KDM6B: variants seen among roughly 807,000 people sequenced by gnomAD.
The protein encoded by KDM6B is lysine demethylase 6B, also known as lysine-specific demethylase 6B.
A neutral mutation model predicts 150.4 loss-of-function variants in KDM6B; 22 were observed. The ratio of observed to expected loss-of-function variants is 0.15; its 90% CI spans 0.10 to 0.21. The LOEUF (loss-of-function observed/expected upper bound fraction) is 0.21. KDM6B is among the 10% of genes least tolerant of loss of function. KDM6B has a pLI of 1.00. For missense variants in KDM6B, 1,984 were observed against 2,234.3 expected (o/e 0.89, Z 2.26); for synonymous variants, 1,148 against 921.1 (o/e 1.25, Z -4.46).
In KDM6B at chr17:7,847,567, A is replaced by C. The variant is rs2078581964; in HGVS notation, c.1279A>C (p.Thr427Pro). 8.7e-6 allele frequency: 14 copies of C among 1,611,448 alleles called. No homozygotes were observed. The highest frequency in any genetic ancestry group is 1.2e-5 in the Non-Finnish European group (14 of 1,179,394). Residue 427 changes from threonine (T) to proline (P), a missense_variant, in exon 12 of 24, where the codon ACT (threonine) becomes CCT (proline). This residue lies in a region of KDM6B where 1,379 missense variants were observed against 1,275.6 expected (regional missense o/e 1.08). Coordinates refer to ENST00000448097, the MANE Select transcript of KDM6B (RefSeq NM_001348716.2). Reference sequence around the variant, plus strand: ...GCAGCCCGGCGCTGACCATTACCAAACTCCCGCGCTGGAGGTCTCTCACCA... The same window carrying C: ...GCAGCCCGGCGCTGACCATTACCAACCTCCCGCGCTGGAGGTCTCTCACCA... ...PGIPGADHYQ[T>P]PALEVSHHGR...
At chr17:7,842,475 C>T (rs1353269596) in intron 2 of KDM6B, among the ~76,000 whole-genome samples, 3 of 152,342 alleles carry the variant, frequency 2.0e-5, no homozygotes, top group South Asian at 2.1e-4. Flanking sequence ...TTCGAGGAGT[C>T]TGTGGGTGTC....
chr17:7,851,523 C>T lies in KDM6B; in HGVS notation c.3990C>T (p.Thr1330=), dbSNP rs758404154. 1 of 1,614,142 alleles carries T rather than the reference C, an allele frequency of 6.2e-7. No individual in the cohort carries two copies. Among genetic ancestry groups the T allele is most frequent in the Non-Finnish European group, 8.5e-7 (1 of 1,180,024 alleles). ...ACCATCACATCATCAAGTTTGGCAC[C>T]AACATCGACTTGTCTGATGCTAAGC... ...PKNHHIIKFG[T]NIDLSDAKRW... is the part of the protein sequence containing the mutation. The change falls in exon 17 of 24, where the codon ACC becomes ACT. Residue 1330 remains threonine (T), a synonymous_variant. Coordinates refer to ENST00000448097, the MANE Select transcript of KDM6B (RefSeq NM_001348716.2).
Position 7,843,815 on chromosome 17 carries a change from C to T in KDM6B, c.-268-1086C>T, listed in dbSNP as rs912361184. On this transcript the variant is annotated intron_variant, in intron 2 of 23. Coordinates refer to ENST00000448097, the MANE Select transcript of KDM6B (RefSeq NM_001348716.2). This position sits in a 1 kb window ranked among gnomAD's most constrained non-coding sequence, Gnocchi z 4.5. ...GGACGCCGGGTAGGCAAGGAGGAGG[C>T]GCGGGGACGCAGCTCCTGGGCTCAG... Among the ~76,000 whole-genome samples, 7 of 152,140 alleles carry T rather than the reference C, an allele frequency of 4.6e-5. No homozygotes were observed. The South Asian group carries it at 1.5e-3, about 32-fold the overall frequency.
rs542238269 is a variant in KDM6B at position 7,841,048 on chromosome 17, C to A, written c.-269+1024C>A. On this transcript the variant is annotated intron_variant, in intron 2 of 23. Coordinates refer to ENST00000448097, the MANE Select transcript of KDM6B (RefSeq NM_001348716.2). ...AAAGAAGCCTAGCTCTTTCATTCTTCACTTGCAGAATGACTTTGGCCAAGT... is the reference window on the plus strand; with the variant it reads ...AAAGAAGCCTAGCTCTTTCATTCTTAACTTGCAGAATGACTTTGGCCAAGT... Among the ~76,000 whole-genome samples, 3 of 152,308 alleles carry A rather than the reference C, an allele frequency of 2.0e-5. No homozygotes were observed. The South Asian group carries it at 6.2e-4, about 32-fold the overall frequency.
At chr17:7,842,047 C>T (rs1338481771) in intron 2 of KDM6B, among the ~76,000 whole-genome samples, 1 of 152,258 alleles carries the variant, frequency 6.6e-6, no homozygotes, top group African/African-American at 2.4e-5. Flanking sequence ...CTAGGTAAAA[C>T]CCTATCTGCG....
rs1262408073 is a variant in KDM6B at position 7,848,849 on chromosome 17, C to T, written c.2561C>T (p.Ala854Val). Residue 854 changes from alanine to valine, a missense_variant, in exon 12 of 24, where the codon GCC (alanine) becomes GTC (valine). Around this residue, in one of 13 missense-constraint regions of KDM6B, gnomAD observed 1,379 missense variants for 1,275.6 expected, o/e 1.08. Transcript: ENST00000448097. ...GATALPPTSA[A>V]PSAQGSPQPS... Reference sequence around the variant, plus strand: ...ACCGCCCTGCCGCCCACCTCAGCGGCCCCTAGCGCCCAGGGCTCCCCACAG... The same window carrying T: ...ACCGCCCTGCCGCCCACCTCAGCGGTCCCTAGCGCCCAGGGCTCCCCACAG... 3 of 1,611,838 alleles carry T rather than the reference C, an allele frequency of 1.9e-6. No individual in the cohort carries two copies. Among genetic ancestry groups the T allele is most frequent in the African/African-American group, 2.7e-5 (2 of 74,920 alleles).
In KDM6B at chr17:7,843,941, G is replaced by C. The variant is rs923601707; in HGVS notation, c.-268-960G>C. Reference sequence around the variant, plus strand: ...GTCGGCACCAAAGCGAAAGGGTGGGGGGGGCGTGAAGGAGGAAGTGAAACG... The same window carrying C: ...GTCGGCACCAAAGCGAAAGGGTGGGCGGGGCGTGAAGGAGGAAGTGAAACG... On this transcript the variant is annotated intron_variant, in intron 2 of 23. Transcript: ENST00000448097. The surrounding 1 kb of genome is among the most constrained non-coding windows in gnomAD (Gnocchi z 4.5). Among the ~76,000 whole-genome samples, 7 of 152,146 alleles carry C rather than the reference G, an allele frequency of 4.6e-5. No individual in the cohort carries two copies. Among genetic ancestry groups the C allele is most frequent in the Admixed American group, 2.6e-4 (4 of 15,280 alleles).
At position 7,853,808 on chromosome 17, in the gene KDM6B, A is replaced by C; in HGVS notation, c.*287A>C. On this transcript the variant is annotated 3_prime_UTR_variant, in exon 24 of 24. Coordinates refer to ENST00000448097, the MANE Select transcript of KDM6B (RefSeq NM_001348716.2). ...CTTTGGCCTTTTTAGCAACAGACAC[A>C]AGGACCAGGCTCCGGCGGCGGCGGG... The C allele has an allele frequency of 3.5e-5, 8 of 226,970 alleles. No individual in the cohort carries two copies. Among genetic ancestry groups the C allele is most frequent in the Non-Finnish European group, 4.3e-5 (5 of 117,500 alleles). The allele number at this position is 226,970 out of a possible 1,614,324, so 14.1% of individuals were successfully genotyped here.
In KDM6B at chr17:7,847,335, C is replaced by T. The variant is rs777479303; in HGVS notation, c.1140C>T (p.Thr380=). The part of the protein sequence containing the change: ...MDSSVSPAAT[T]ACVPYAPSRP... The stretch of plus-strand genomic sequence containing the variant: ...CCAGCGTTTCACCAGCAGCAACCAC[C>T]GCCTGCGTGCCTTACGCCCCTTCCC... Residue 380 remains threonine, a synonymous_variant, in exon 11 of 24, where the codon ACC becomes ACT. Transcript: ENST00000448097. 6.8e-6 allele frequency: 11 copies of T among 1,610,124 alleles called. No homozygotes were observed. The East Asian group carries it at 8.9e-5, about 13-fold the overall frequency.
Position 7,848,707 on chromosome 17 carries a change from T to C in KDM6B, c.2419T>C (p.Leu807=), listed in dbSNP as rs749171631. The part of the protein sequence containing the change: ...PPSPASLLKS[L]ASVLEGQKYC... ...CAGCCCGGCCAGCCTGCTCAAATCCTTGGCCTCCGTGCTGGAGGGACAAAA... is the reference window on the plus strand; with the variant it reads ...CAGCCCGGCCAGCCTGCTCAAATCCCTGGCCTCCGTGCTGGAGGGACAAAA... The change falls in exon 12 of 24, where the codon TTG becomes CTG. Residue 807 remains leucine (L), a synonymous_variant. Coordinates refer to ENST00000448097, the MANE Select transcript of KDM6B (RefSeq NM_001348716.2). 2 of 1,612,692 alleles carry C rather than the reference T, an allele frequency of 1.2e-6. No homozygotes were observed. The highest frequency in any genetic ancestry group is 1.7e-5 in the Admixed American group (1 of 60,004).
rs762712166 is a variant in KDM6B, at chr17:7,847,573, G to A, written c.1285G>A (p.Ala429Thr). The change falls in exon 12 of 24, where the codon GCG becomes ACG. Residue 429 changes from alanine (A) to threonine (T), a missense_variant. Ala to Thr is a moderately conservative substitution (Grantham distance 58, BLOSUM62 0). This residue lies in a region of KDM6B where 1,379 missense variants were observed against 1,275.6 expected (regional missense o/e 1.08). Coordinates refer to ENST00000448097, the MANE Select transcript of KDM6B (RefSeq NM_001348716.2). ...CGGCGCTGACCATTACCAAACTCCC[G>A]CGCTGGAGGTCTCTCACCATGGCCG... is the stretch of plus-strand genomic sequence containing the variant. The part of the protein sequence containing the change: ...IPGADHYQTP[A>T]LEVSHHGRLG... 15 of 1,613,204 alleles carry A rather than the reference G, an allele frequency of 9.3e-6. No individual in the cohort carries two copies. The highest frequency in any genetic ancestry group is 6.6e-5 in the South Asian group (6 of 91,074).
At chr17:7,846,371 G>GGGCCGGGCCCGGGGCCCCCCC in intron 7 of KDM6B, 29 bp from the exon 8 acceptor site, 3 of 1,488,916 alleles carry the variant, frequency 2.0e-6, no homozygotes, top group Non-Finnish European at 2.8e-6. Flanking sequence ...CCTGACATCT[G>GGGCCGGGCCCGGGGCCCCCCC]CCCCTGCCCC....
In KDM6B at chr17:7,853,391, G is replaced by A. The variant is rs747208894; in HGVS notation, c.4908+11G>A. 16 of 1,539,634 alleles carry A rather than the reference G, an allele frequency of 1.0e-5. No individual in the cohort carries two copies. The highest frequency in any genetic ancestry group is 1.4e-5 in the African/African-American group (1 of 73,204). ...GACGCCTTCACGCTGGTGAGGGCCC[G>A]GCGGGCGCGCGGGCAGCGGAGGAGG... On this transcript the variant is annotated intron_variant, in intron 23 of 23. Coordinates refer to ENST00000448097, the MANE Select transcript of KDM6B (RefSeq NM_001348716.2).
In KDM6B at chr17:7,843,992, G is replaced by A. The variant is rs1430552922; in HGVS notation, c.-268-909G>A. On this transcript the variant is annotated intron_variant, in intron 2 of 23. Coordinates refer to ENST00000448097, the MANE Select transcript of KDM6B (RefSeq NM_001348716.2). The surrounding 1 kb of genome is among the most constrained non-coding windows in gnomAD (Gnocchi z 4.5). ...AGTTCTGGGTTCTTTAAGGGAGTGG[G>A]TGGTGAGAGTGGGACAAGGGTGATG... Among the ~76,000 whole-genome samples the A allele has an allele frequency of 6.6e-6, 1 of 151,938 alleles. No individual in the cohort carries two copies. The highest frequency in any genetic ancestry group is 2.4e-5 in the African/African-American group (1 of 41,360).
At chr17:7,852,791 T>C (rs921673786) in intron 21 of KDM6B, among the ~76,000 whole-genome samples, 155 bp downstream of exon 21, 1 of 152,184 alleles carries the variant, frequency 6.6e-6, no homozygotes, top group African/African-American at 2.4e-5. Context: ...GTCCTTGCTG[T>C]CATGACCTTT....
At position 7,848,749 on chromosome 17, in the gene KDM6B, A is replaced by G. The variant is rs572752677; in HGVS notation, c.2461A>G (p.Thr821Ala). Residue 821 changes from threonine (T) to alanine (A), a missense_variant, in exon 12 of 24, where the codon ACT becomes GCT. By Grantham distance (58) the Thr-to-Ala change is moderately conservative (BLOSUM62 0). This residue lies in a region of KDM6B where 1,379 missense variants were observed against 1,275.6 expected (regional missense o/e 1.08). Coordinates refer to ENST00000448097, the MANE Select transcript of KDM6B (RefSeq NM_001348716.2). ...GGGACAAAAGTACTGTTATCGGGGGACTGGAGCAGCTGTTTCCACCCGGCC... is the reference window on the plus strand; with the variant it reads ...GGGACAAAAGTACTGTTATCGGGGGGCTGGAGCAGCTGTTTCCACCCGGCC... Reference protein sequence around the residue: ...LEGQKYCYRGTGAAVSTRPGP... With the variant: ...LEGQKYCYRGAGAAVSTRPGP... The G allele has an allele frequency of 1.9e-6, 3 of 1,612,164 alleles. No homozygotes were observed. The highest frequency in any genetic ancestry group is 2.5e-6 in the Non-Finnish European group (3 of 1,179,880).
rs961881496 is a variant in KDM6B at position 7,845,566 on chromosome 17, A to T, written c.12A>T (p.Ala4=). MHR[A]VDPPGARAAR... is the part of the protein sequence containing the mutation. ...CCAACTCAGGCTGGATGCATCGGGC[A>T]GTGGACCCTCCAGGGGCCCGCGCTG... The change falls in exon 5 of 24, where the codon GCA becomes GCT. Residue 4 remains alanine (A), a synonymous_variant. Transcript: ENST00000448097. 5.0e-6 allele frequency: 8 copies of T among 1,614,042 alleles called. No individual in the cohort carries two copies. Among genetic ancestry groups the T allele is most frequent in the Non-Finnish European group, 6.8e-6 (8 of 1,180,028 alleles).
intron 21 of KDM6B, among the ~76,000 whole-genome samples, 156 bp downstream of exon 21, chr17:7,852,792 C>T (rs2078725898): frequency 2.0e-5 from 3 of 152,210 alleles, no homozygotes; most frequent in Admixed American, 6.5e-5. Context: ...TCCTTGCTGT[C>T]ATGACCTTTT....
Position 7,845,586 on chromosome 17 carries a change from G to C in KDM6B, c.32G>C (p.Arg11Pro), listed in dbSNP as rs779450351. The change falls in exon 5 of 24, where the codon CGC (arginine) becomes CCC (proline). Residue 11 changes from arginine to proline, a missense_variant. This residue lies in a region of KDM6B where 337 missense variants were observed against 323.9 expected (regional missense o/e 1.04). Coordinates refer to ENST00000448097, the MANE Select transcript of KDM6B (RefSeq NM_001348716.2). MHRAVDPPGA[R>P]AAREAFALGG... is the part of the protein sequence containing the mutation. ...CGGGCAGTGGACCCTCCAGGGGCCCGCGCTGCACGGGAAGCCTTTGCCCTT... is the reference window on the plus strand; with the variant it reads ...CGGGCAGTGGACCCTCCAGGGGCCCCCGCTGCACGGGAAGCCTTTGCCCTT... 13 of 1,614,024 alleles carry C rather than the reference G, an allele frequency of 8.1e-6. No individual in the cohort carries two copies. Among genetic ancestry groups the C allele is most frequent in the Non-Finnish European group, 1.1e-5 (13 of 1,180,032 alleles).
Sources: gnomAD v4.1 joint callset for allele counts (sites outside exome capture counted in the v4.1 genomes callset) on GRCh38, gnomAD v4.1.1 for gene constraint, gnomAD v4.1.1 regional missense constraint, Gnocchi (gnomAD v3.1) non-coding constraint, MANE v1.5 for transcripts, NCBI Gene and HGNC (gene_info 2026-07-23, HGNC 2026-07-21) for gene names.